Variants in AS3MT observed in about 807,000 individuals in gnomAD.
AS3MT encodes the protein arsenite methyltransferase, also known as S-adenosyl-L-methionine:arsenic(III) methyltransferase.
AS3MT carries 47 observed loss-of-function variants against 45.3 expected under a neutral mutation model. The ratio of observed to expected loss-of-function variants is 1.04; its 90% CI spans 0.82 to 1.32. The LOEUF (loss-of-function observed/expected upper bound fraction) is 1.32, where lower values mean the gene tolerates loss of function less well. Ranked by LOEUF, AS3MT falls within the 40% of genes most tolerant of loss-of-function variation. The probability of loss-of-function intolerance (pLI) is 0.00; values close to 1 mark genes in which losing one functional copy is unlikely to be tolerated. For synonymous variants in AS3MT, 141 were observed against 152.8 expected (o/e 0.92, Z 0.57); for missense variants, 396 against 451.1 (o/e 0.88, Z 1.11).
At chr10:102,893,494 TC>T (rs781681935) in intron 10 of AS3MT, among the ~76,000 whole-genome samples, 9 of 147,006 alleles carry the variant, frequency 6.1e-5, no homozygotes, top group Admixed American at 1.4e-4. Context: ...AATTTTTTTT[TC>T]TTTTTTTTTT....
intron 10 of AS3MT, among the ~76,000 whole-genome samples, chr10:102,891,666 A>C (rs1050805197): frequency 5.3e-5 from 8 of 151,998 alleles, no homozygotes; most frequent in Admixed American, 5.3e-4. Flanking sequence ...TAAAAGGAGG[A>C]GCTGGGTGCA....
chr10:102,870,099 G>A lies in AS3MT; in HGVS notation c.58G>A (p.Val20Met), dbSNP rs1406708151. 7.4e-6 allele frequency: 12 copies of A among 1,613,986 alleles called. No individual in the cohort carries two copies. The highest frequency in any genetic ancestry group is 1.0e-5 in the Non-Finnish European group (12 of 1,180,052). The change falls in exon 3 of 11, where the codon GTG becomes ATG. Residue 20 changes from valine (V) to methionine (M), a missense_variant. By Grantham distance (21) the Val-to-Met change is conservative (BLOSUM62 1). Transcript: ENST00000369880. ...GCTGGGTCAGACCTACTACGGGCAG[G>A]TGCTGAAGAGATCGGCAGACCTCCA... ...QKDVQTYYGQ[V>M]LKRSADLQTN...
intron 6 of AS3MT, 59 bp from the exon 7 acceptor site, chr10:102,876,895 T>C: frequency 6.6e-7 from 1 of 1,516,462 alleles, no homozygotes; most frequent in East Asian, 2.3e-5. Flanking sequence ...CTTTCTTTGT[T>C]ATGTGGGGTC....
chr10:102,877,272 G>A (rs1232452573), intron 7 of AS3MT, among the ~76,000 whole-genome samples: 2 of 152,156 alleles, frequency 1.3e-5, no homozygotes, highest in African/African-American at 2.4e-5. Flanking sequence ...CTGCCTTATA[G>A]GGCTGTTATG....
intron 10 of AS3MT, among the ~76,000 whole-genome samples, chr10:102,893,761 A>AG: frequency 6.6e-6 from 1 of 152,206 alleles, no homozygotes; most frequent in South Asian, 2.1e-4. Flanking sequence ...GGCCTCCCAA[A>AG]GTGCTGGGAT....
At chr10:102,871,314 A>G (rs984238540) in intron 3 of AS3MT, among the ~76,000 whole-genome samples, 1 of 152,050 alleles carries the variant, frequency 6.6e-6, no homozygotes, top group Non-Finnish European at 1.5e-5. Flanking sequence ...TGGGAGGCCG[A>G]GGCGGGAGGA....
intron 7 of AS3MT, among the ~76,000 whole-genome samples, chr10:102,877,569 A>G (rs969726614): frequency 4.0e-5 from 6 of 150,510 alleles, no homozygotes; most frequent in African/African-American, 1.5e-4. Flanking sequence ...CAAAAAAAAA[A>G]AAAAAAAAGA....
At chr10:102,883,548 A>G (rs1844900638) in intron 9 of AS3MT, among the ~76,000 whole-genome samples, 1 of 152,020 alleles carries the variant, frequency 6.6e-6, no homozygotes, top group African/African-American at 2.4e-5. Flanking sequence ...CCCTGTCTCT[A>G]CTAAAAATAC....
Position 102,897,240 on chromosome 10 carries a change from C to T in AS3MT, c.1021-3353C>T, listed in dbSNP as rs548839480. Among the ~76,000 whole-genome samples the T allele has an allele frequency of 3.5e-3, 527 of 151,402 alleles. 1 individual carries two copies. Among genetic ancestry groups the T allele is most frequent in the Non-Finnish European group, 5.9e-3 (401 of 67,830 alleles). On this transcript the variant is annotated intron_variant, in intron 10 of 10. Coordinates refer to ENST00000369880, the MANE Select transcript of AS3MT (RefSeq NM_020682.4). ...TCTACTAAAAATACAAAAAATTAGCCGGGCGTGGTGGCGGGTGCCTGTAGT... is the reference window on the plus strand; with the variant it reads ...TCTACTAAAAATACAAAAAATTAGCTGGGCGTGGTGGCGGGTGCCTGTAGT...
At chr10:102,870,024 G>C in intron 2 of AS3MT, 60 bp from the exon 3 acceptor site, 1 of 1,578,694 alleles carries the variant, frequency 6.3e-7, no homozygotes, top group South Asian at 1.1e-5. Context: ...GAGCCCTCGC[G>C]CTGCAGTCAC....
chr10:102,869,731 C>T, intron 1 of AS3MT, 74 bp from the exon 2 acceptor site: 1 of 1,612,200 alleles, frequency 6.2e-7, no homozygotes, highest in East Asian at 2.2e-5. Flanking sequence ...CGCTGCCTGC[C>T]CTTTACTGGC....
At chr10:102,892,929 G>A (rs1471397221) in intron 10 of AS3MT, among the ~76,000 whole-genome samples, 3 of 151,526 alleles carry the variant, frequency 2.0e-5, no homozygotes, top group Admixed American at 1.3e-4. Flanking sequence ...GCAATGAGAC[G>A]AGATTGAGAT....
intron 9 of AS3MT, among the ~76,000 whole-genome samples, chr10:102,883,680 C>T (rs1377725855): frequency 1.3e-5 from 2 of 151,838 alleles, no homozygotes; most frequent in Non-Finnish European, 2.9e-5. Context: ...AGTCACTGCA[C>T]TCCAGCCTGG....
At chr10:102,895,812 G>C (rs536827337) in intron 10 of AS3MT, among the ~76,000 whole-genome samples, 116 of 149,330 alleles carry the variant, frequency 7.8e-4, no homozygotes, top group Non-Finnish European at 1.1e-3. Context: ...CTTCGCTCTT[G>C]TTGCCCAGGC....
intron 9 of AS3MT, among the ~76,000 whole-genome samples, chr10:102,888,514 C>T (rs1031517305): frequency 3.1e-4 from 47 of 151,990 alleles, no homozygotes; most frequent in African/African-American, 1.0e-3. Context: ...CTCCACCTCC[C>T]GGGTTCAAGC....
At chr10:102,877,559 C>CAAAAAAAA (rs199723619) in intron 7 of AS3MT, among the ~76,000 whole-genome samples, 1 of 94,396 alleles carries the variant, frequency 1.1e-5, no homozygotes, top group Non-Finnish European at 2.2e-5. Context: ...TGGAAAGTGC[C>CAAAAAAAA]AAAAAAAAAA....
rs1845270828 is a variant in AS3MT, at chr10:102,901,589, GC to G, written c.*891del. ...CTATTTCCTACTTCAAAGTTCTGGT[GC>G]CACATAGTGGTCAGAAATGGAACAG... On this transcript the variant is annotated 3_prime_UTR_variant, in exon 11 of 11. Transcript: ENST00000369880. The G allele has an allele frequency of 6.6e-6, 1 of 152,146 alleles. No individual in the cohort carries two copies. Among genetic ancestry groups the G allele is most frequent in the Non-Finnish European group, 1.5e-5 (1 of 68,034 alleles). 9.4% of individuals were successfully genotyped at this position (152,146 alleles called of 1,614,324 possible). A position where few individuals can be genotyped will look rare whatever the true frequency, so the allele number is the denominator to read the frequency against.
intron 6 of AS3MT, among the ~76,000 whole-genome samples, 180 bp from the exon 7 acceptor site, chr10:102,876,774 A>T (rs1844790519): frequency 6.6e-6 from 1 of 152,174 alleles, no homozygotes; most frequent in Non-Finnish European, 1.5e-5. Context: ...AGGAAAAAAA[A>T]CCTTGGCACT....
In AS3MT at chr10:102,869,518, G is replaced by A. The variant is rs1481938216; in HGVS notation, c.-75G>A. ...GCCGTCCTGAGTCGCAGGCCGAGGA[G>A]ACAGTGAGTGCGCGCCCTGAGTCGC... On this transcript the variant is annotated 5_prime_UTR_variant, in exon 1 of 11. Transcript: ENST00000369880. The A allele has an allele frequency of 2.2e-6, 3 of 1,377,352 alleles. No individual in the cohort carries two copies. The highest frequency in any genetic ancestry group is 2.8e-6 in the Non-Finnish European group (3 of 1,065,326). The allele number at this position is 1,377,352 out of a possible 1,614,324, so 85.3% of individuals were successfully genotyped here.
Sources: allele counts gnomAD v4.1 joint callset (sites outside exome capture counted in the v4.1 genomes callset), GRCh38; gene constraint gnomAD v4.1.1; transcripts MANE v1.5; gene names NCBI Gene and HGNC (gene_info 2026-07-23, HGNC 2026-07-21).